ST3GAL4: variants seen among roughly 807,000 people sequenced by gnomAD.
The protein encoded by ST3GAL4 is CMP-N-acetylneuraminate-beta-galactosamide-alpha-2,3-sialyltransferase 4.
Under a neutral mutation model 42.6 loss-of-function variants are expected in ST3GAL4, and 24 were observed. The observed-to-expected ratio is 0.56, with a 90% confidence interval of 0.41 to 0.79. ST3GAL4 has a LOEUF of 0.79. Among genes scored for constraint, ST3GAL4 ranks in the 30% least tolerant of loss-of-function variants. The pLI, the probability that ST3GAL4 is intolerant of heterozygous loss-of-function variation, is 0.00. For synonymous variants in ST3GAL4, 135 were observed against 163.2 expected, an observed-to-expected ratio of 0.83 and a Z score of 1.32; for missense variants, 311 against 430.8, an observed-to-expected ratio of 0.72 and a Z score of 2.46.
rs1167185752 is a variant in ST3GAL4 at position 126,396,497 on chromosome 11, G to C, written c.-60-9599G>C. Among the ~76,000 whole-genome samples, 1 of 151,974 alleles carries C rather than the reference G, an allele frequency of 6.6e-6. No homozygotes were observed. The highest frequency in any genetic ancestry group is 2.4e-5 in the African/African-American group (1 of 41,216). On this transcript the variant is annotated intron_variant, in intron 1 of 10. Transcript: ENST00000444328. The surrounding 1 kb of genome is among the most constrained non-coding windows in gnomAD (Gnocchi z 5.8). Reference sequence around the variant, plus strand: ...CTGTGTGCCTTGAACACGTACTGCAGAGCTTCCAGAGAGCACCAGGGCTGT... The same window carrying C: ...CTGTGTGCCTTGAACACGTACTGCACAGCTTCCAGAGAGCACCAGGGCTGT...
At chr11:126,357,105 C>T (rs1011882398) in intron 1 of ST3GAL4, among the ~76,000 whole-genome samples, 1 of 152,210 alleles carries the variant, frequency 6.6e-6, no homozygotes, top group South Asian at 2.1e-4. Flanking sequence ...GGGACGTGCC[C>T]GCTGTTTGGG....
intron 1 of ST3GAL4, among the ~76,000 whole-genome samples, chr11:126,358,251 G>C (rs1334549727): frequency 1.3e-5 from 2 of 152,256 alleles, no homozygotes; most frequent in Non-Finnish European, 2.9e-5. Context: ...CCTGCTGGTG[G>C]TTTAGCTCCC....
At chr11:126,375,963 C>T (rs145976462) in intron 1 of ST3GAL4, among the ~76,000 whole-genome samples, 4 of 142,574 alleles carry the variant, frequency 2.8e-5, no homozygotes, top group Admixed American at 7.4e-5. Flanking sequence ...GTTGTTAATT[C>T]GCCATGCAAT....
chr11:126,387,082 T>C (rs1490123761), intron 1 of ST3GAL4, among the ~76,000 whole-genome samples: 1 of 152,174 alleles, frequency 6.6e-6, no homozygotes, highest in Admixed American at 6.5e-5. Context: ...GGAGGGCAAG[T>C]AGGGCCAGTC....
At position 126,384,112 on chromosome 11, in the gene ST3GAL4, G is replaced by T. The variant is rs547589970; in HGVS notation, c.-60-21984G>T. Among the ~76,000 whole-genome samples, 1 of 152,278 alleles carries T rather than the reference G, an allele frequency of 6.6e-6. No homozygotes were observed. Among genetic ancestry groups the T allele is most frequent in the South Asian group, 2.1e-4 (1 of 4,830 alleles). On this transcript the variant is annotated intron_variant, in intron 1 of 10. Transcript: ENST00000444328. This position sits in a 1 kb window ranked among gnomAD's most constrained non-coding sequence, Gnocchi z 5.5. ...CTTTAACCCTGCTGGCTCCTAATGG[G>T]ACTAATGGGATTTCAGGTGTGGACC...
chr11:126,365,644 G>GT (rs1565393604), intron 1 of ST3GAL4, among the ~76,000 whole-genome samples: 1 of 152,236 alleles, frequency 6.6e-6, no homozygotes, highest in Non-Finnish European at 1.5e-5. Context: ...CACCCTCCCA[G>GT]TTATGGGTGC....
At position 126,406,511 on chromosome 11, in the gene ST3GAL4, G is replaced by A. The variant is rs200880433; in HGVS notation, c.55G>A (p.Val19Ile). 9.4e-5 allele frequency: 152 copies of A among 1,614,206 alleles called. No homozygotes were observed. Among genetic ancestry groups the A allele is most frequent in the Non-Finnish European group, 1.2e-4 (139 of 1,180,034 alleles). The stretch of plus-strand genomic sequence containing the variant: ...GGCCATGTTGGCTCTGGTCCTGGTC[G>A]TCATGGTGTGGTATTCCATCTCCCG... ...LLAMLALVLV[V>I]MVWYSISRED... The change falls in exon 3 of 11, where the codon GTC (valine) becomes ATC (isoleucine). Residue 19 changes from valine to isoleucine, a missense_variant. By Grantham distance (29) the Val-to-Ile change is conservative (BLOSUM62 3). Transcript: ENST00000444328. This position sits in a 1 kb window ranked among gnomAD's most constrained non-coding sequence, Gnocchi z 5.4.
rs563767462 is a variant in ST3GAL4 at position 126,379,359 on chromosome 11, A to G, written c.-61+23517A>G. On this transcript the variant is annotated intron_variant, in intron 1 of 10. Coordinates refer to ENST00000444328, the MANE Select transcript of ST3GAL4 (RefSeq NM_001254757.2). The surrounding 1 kb of genome is among the most constrained non-coding windows in gnomAD (Gnocchi z 4.2). ...AACAAAACAAAAACAAGTCTGAGTC[A>G]ATAGAAGGGGGCCACATGGAGTCTT... is the stretch of plus-strand genomic sequence containing the variant. 2.5e-4 allele frequency among the ~76,000 whole-genome samples: 38 copies of G among 152,236 alleles called. No homozygotes were observed. The highest frequency in any genetic ancestry group is 4.6e-4 in the Non-Finnish European group (31 of 68,038).
At position 126,410,560 on chromosome 11, in the gene ST3GAL4, C is replaced by T. The variant is rs1157611987; in HGVS notation, c.771+1149C>T. On this transcript the variant is annotated intron_variant, in intron 9 of 10. Transcript: ENST00000444328. The surrounding 1 kb of genome is among the most constrained non-coding windows in gnomAD (Gnocchi z 5.3). ...TGAAAAATAATAATGATGTAAAATA[C>T]CTATTCTGGAGACCGGTACACAGGG... Among the ~76,000 whole-genome samples, 1 of 152,156 alleles carries T rather than the reference C, an allele frequency of 6.6e-6. No individual in the cohort carries two copies. The highest frequency in any genetic ancestry group is 2.4e-5 in the African/African-American group (1 of 41,408).
At position 126,363,453 on chromosome 11, in the gene ST3GAL4, G is replaced by A. The variant is rs940845306; in HGVS notation, c.-61+7611G>A. Among the ~76,000 whole-genome samples the A allele has an allele frequency of 3.3e-5, 5 of 152,216 alleles. No individual in the cohort carries two copies. The highest frequency in any genetic ancestry group is 3.3e-4 in the Admixed American group (5 of 15,284). ...GCCTGGAGGCCGGGAATGTTCAGGA[G>A]AGCCTTCATTGGGAGCCCATGGGAG... is the stretch of plus-strand genomic sequence containing the variant. On this transcript the variant is annotated intron_variant, in intron 1 of 10. Transcript: ENST00000444328. This position sits in a 1 kb window ranked among gnomAD's most constrained non-coding sequence, Gnocchi z 4.6.
At position 126,414,344 on chromosome 11, in the gene ST3GAL4, T is replaced by C. The variant is rs1954651081; in HGVS notation, c.*297T>C. On this transcript the variant is annotated 3_prime_UTR_variant, in exon 11 of 11. Coordinates refer to ENST00000444328, the MANE Select transcript of ST3GAL4 (RefSeq NM_001254757.2). ...AGAGATTATTTAATGGGCTATTTAATTAAGGGGTAGGAAGGTGCTGTGGGC... is the reference window on the plus strand; with the variant it reads ...AGAGATTATTTAATGGGCTATTTAACTAAGGGGTAGGAAGGTGCTGTGGGC... 1 of 441,800 alleles carries C rather than the reference T, an allele frequency of 2.3e-6. No homozygotes were observed. Among genetic ancestry groups the C allele is most frequent in the Non-Finnish European group, 4.2e-6 (1 of 238,400 alleles). The allele number at this position is 441,800 out of a possible 1,614,324, so 27.4% of individuals were successfully genotyped here. A position where few individuals can be genotyped will look rare whatever the true frequency, so the allele number is the denominator to read the frequency against.
intron 1 of ST3GAL4, among the ~76,000 whole-genome samples, chr11:126,405,230 A>G (rs1443327559): frequency 6.6e-6 from 1 of 152,234 alleles, no homozygotes; most frequent in Non-Finnish European, 1.5e-5. Flanking sequence ...TGTAGAAGCT[A>G]CAGAAATGTC....
rs747011035 is a variant in ST3GAL4, at chr11:126,409,362, C to G, written c.722C>G (p.Ala241Gly). 4.3e-6 allele frequency: 7 copies of G among 1,614,236 alleles called. No individual in the cohort carries two copies. The highest frequency in any genetic ancestry group is 2.2e-5 in the East Asian group (1 of 44,886). ...AACCCCTTCTTCATGGAGATTGCAG[C>G]TGACAAACTGCTGAGCCTGCCAATG... Reference protein sequence around the residue: ...ILNPFFMEIAADKLLSLPMQQ... With the variant: ...ILNPFFMEIAGDKLLSLPMQQ... The change falls in exon 9 of 11, where the codon GCT (alanine) becomes GGT (glycine). Residue 241 changes from alanine to glycine, a missense_variant. Transcript: ENST00000444328. This position sits in a 1 kb window ranked among gnomAD's most constrained non-coding sequence, Gnocchi z 4.9.
At chr11:126,395,661 A>G (rs1301813949) in intron 1 of ST3GAL4, among the ~76,000 whole-genome samples, 3 of 152,194 alleles carry the variant, frequency 2.0e-5, no homozygotes, top group African/African-American at 7.2e-5. Flanking sequence ...AGTAAGTGTC[A>G]GGTGAGCCGA....
chr11:126,405,372 G>A (rs185840665), intron 1 of ST3GAL4, among the ~76,000 whole-genome samples: 32 of 152,326 alleles, frequency 2.1e-4, no homozygotes, highest in Non-Finnish European at 4.0e-4. Context: ...ACCCTTACTG[G>A]AAGCATCTCT....
At chr11:126,357,524 C>A (rs561865541) in intron 1 of ST3GAL4, among the ~76,000 whole-genome samples, 2 of 152,250 alleles carry the variant, frequency 1.3e-5, no homozygotes, top group East Asian at 3.9e-4. Context: ...GCCTTCCCTA[C>A]GGGAAGCAGT....
chr11:126,401,059 G>T (rs1479416674), intron 1 of ST3GAL4, among the ~76,000 whole-genome samples: 1 of 152,112 alleles, frequency 6.6e-6, no homozygotes, highest in Non-Finnish European at 1.5e-5. Flanking sequence ...GTCCAGCTTT[G>T]AACATCTTCT....
At chr11:126,395,723 G>A (rs1953720956) in intron 1 of ST3GAL4, among the ~76,000 whole-genome samples, 1 of 152,298 alleles carries the variant, frequency 6.6e-6, no homozygotes. Flanking sequence ...TTTCTTGCCT[G>A]CTGCCATGTA....
intron 1 of ST3GAL4, among the ~76,000 whole-genome samples, chr11:126,380,312 A>T (rs1352664050): frequency 6.6e-6 from 1 of 151,220 alleles, no homozygotes; most frequent in Non-Finnish European, 1.5e-5. Context: ...GTAAGGTGGG[A>T]TCATCAATAG....
Sources: gnomAD v4.1 joint callset for allele counts (sites outside exome capture counted in the v4.1 genomes callset) on GRCh38, gnomAD v4.1.1 for gene constraint, Gnocchi (gnomAD v3.1) non-coding constraint, MANE v1.5 for transcripts, NCBI Gene and HGNC (gene_info 2026-07-23, HGNC 2026-07-21) for gene names.